Variants in FANCD2 observed in about 807,000 individuals in gnomAD.
FANCD2 encodes the protein FA complementation group D2, also known as Fanconi anemia group D2 protein.
In FANCD2, 131 loss-of-function variants were observed where a neutral mutation model predicts 192.3. The ratio of observed to expected loss-of-function variants is 0.68; its 90% confidence interval spans 0.59 to 0.79. The LOEUF is 0.79. Ranked by LOEUF, FANCD2 falls within the 30% of genes least tolerant of loss-of-function variation. The pLI is 0.00. For synonymous variants in FANCD2, 524 were observed against 612.5 expected (o/e 0.86, Z 2.13); for missense variants, 1,508 against 1,701.6 (o/e 0.89, Z 2.00).
At chr3:10,026,892 C>T (rs955165959) in intron 1 of FANCD2, among the ~76,000 whole-genome samples, 1 of 152,114 alleles carries the variant, frequency 6.6e-6, no homozygotes, top group African/African-American at 2.4e-5. Context: ...GGGCCCGGTA[C>T]CTCGTAAATG....
At chr3:10,034,659 A>T in intron 4 of FANCD2, 36 bp from the exon 5 acceptor site, 1 of 1,524,228 alleles carries the variant, frequency 6.6e-7, no homozygotes. Flanking sequence ...TTAAACTAAA[A>T]ATTTTATTCT....
rs375506300 is a variant in FANCD2 at position 10,034,514 on chromosome 3, G to A, written c.251G>A (p.Arg84Lys). The A allele has an allele frequency of 4.3e-6, 7 of 1,612,450 alleles. No individual in the cohort carries two copies. Among genetic ancestry groups the A allele is most frequent in the Non-Finnish European group, 5.9e-6 (7 of 1,178,696 alleles). Residue 84 changes from arginine to lysine, a missense_variant, in exon 4 of 44, where the codon AGG (arginine) becomes AAG (lysine). By Grantham distance (26) the Arg-to-Lys change is conservative. This residue lies in a region of FANCD2 where 435 missense variants were observed against 421.9 expected (regional missense o/e 1.03). Coordinates refer to ENST00000675286, the MANE Select transcript of FANCD2 (RefSeq NM_001018115.3). Reference protein sequence around the residue: ...AFQKKLFQTLRRHPSYPKIIE... With the variant: ...AFQKKLFQTLKRHPSYPKIIE... ...CAAAAGAAGCTCTTTCAGACCCTGA[G>A]GAGACACCCTTCCTATCCCAAAGTA...
chr3:10,082,783 T>A (rs1693925267), intron 32 of FANCD2, among the ~76,000 whole-genome samples: 1 of 152,228 alleles, frequency 6.6e-6, no homozygotes. Flanking sequence ...AATCTCATTT[T>A]ATTATAATTA....
chr3:10,081,002 A>G lies in FANCD2; in HGVS notation c.2977-98A>G, dbSNP rs925079344. Reference sequence around the variant, plus strand: ...CAACTCATTTCTCCCATCTGCTCCTACCTGGTGACACAGGTTTGACTTGAC... The same window carrying G: ...CAACTCATTTCTCCCATCTGCTCCTGCCTGGTGACACAGGTTTGACTTGAC... On this transcript the variant is annotated intron_variant, in intron 30 of 43. Transcript: ENST00000675286. 5 of 1,328,404 alleles carry G rather than the reference A, an allele frequency of 3.8e-6. No homozygotes were observed. The African/African-American group carries it at 5.8e-5, about 15-fold the overall frequency. 82.3% of individuals were successfully genotyped at this position (1,328,404 alleles called of 1,614,324 possible). A position where few individuals can be genotyped will look rare whatever the true frequency, so the allele number is the denominator to read the frequency against.
intron 2 of FANCD2, among the ~76,000 whole-genome samples, chr3:10,031,304 C>T (rs993963166): frequency 2.0e-5 from 3 of 152,070 alleles, no homozygotes; most frequent in Admixed American, 6.5e-5. Flanking sequence ...GAGATTGAGA[C>T]CATCTTGGCT....
chr3:10,031,250 T>A (rs548605189), intron 2 of FANCD2, among the ~76,000 whole-genome samples: 9 of 152,256 alleles, frequency 5.9e-5, no homozygotes, highest in East Asian at 1.9e-4. Flanking sequence ...ACGCCTGTAA[T>A]CCCAGCACTT....
chr3:10,038,568 A>G (rs910077734), intron 7 of FANCD2, among the ~76,000 whole-genome samples: 7 of 150,174 alleles, frequency 4.7e-5, no homozygotes, highest in African/African-American at 9.9e-5. Context: ...TCCCTTAGCA[A>G]TATATGCTTG....
intron 19 of FANCD2, 41 bp downstream of exon 19, chr3:10,060,444 T>A: frequency 7.0e-7 from 1 of 1,426,406 alleles, no homozygotes; most frequent in Non-Finnish European, 9.9e-7. Flanking sequence ...TAAGATCAGT[T>A]AATCTTGCTA....
chr3:10,084,227 C>T (rs375948560), intron 32 of FANCD2, among the ~76,000 whole-genome samples: 5 of 151,218 alleles, frequency 3.3e-5, no homozygotes, highest in Non-Finnish European at 4.4e-5. Flanking sequence ...CTCCTGACCC[C>T]GTGATCTACC....
intron 5 of FANCD2, 143 bp downstream of exon 5, chr3:10,034,941 TTC>T: frequency 1.3e-6 from 1 of 764,064 alleles, no homozygotes; most frequent in Non-Finnish European, 2.2e-6. Flanking sequence ...AAGTTTAAAA[TTC>T]CTAAGCTTGT....
At chr3:10,082,180 T>C (rs1024419526) in intron 32 of FANCD2, among the ~76,000 whole-genome samples, 3 of 152,222 alleles carry the variant, frequency 2.0e-5, no homozygotes, top group African/African-American at 7.2e-5. Flanking sequence ...GTACCACCAG[T>C]TGCCTGAACC....
chr3:10,060,204 C>G, intron 18 of FANCD2, 90 bp from the exon 19 acceptor site: 3 of 889,924 alleles, frequency 3.4e-6, no homozygotes, highest in Non-Finnish European at 5.5e-6. Flanking sequence ...CGGTAAACGC[C>G]TTTATAGTCT....
chr3:10,082,791 T>C (rs1693925691), intron 32 of FANCD2, among the ~76,000 whole-genome samples: 2 of 152,214 alleles, frequency 1.3e-5, no homozygotes, highest in South Asian at 4.1e-4. Context: ...TTTATTATAA[T>C]TACTTGTTCA....
intron 9 of FANCD2, chr3:10,040,963 G>A (rs572523258): frequency 3.5e-4 from 58 of 166,600 alleles, no homozygotes; most frequent in African/African-American, 1.3e-3. Flanking sequence ...GGCGGCTGAA[G>A]TGGGTGGGTC....
At chr3:10,034,064 C>T (rs2086668297) in intron 3 of FANCD2, among the ~76,000 whole-genome samples, 1 of 150,058 alleles carries the variant, frequency 6.7e-6, no homozygotes, top group Non-Finnish European at 1.5e-5. Context: ...GTGGCTTATG[C>T]CTGTAATCCC....
Position 10,041,677 on chromosome 3 carries a change from A to G in FANCD2, c.750A>G (p.Ser250=), listed in dbSNP as rs1409711148. 2 of 1,613,836 alleles carry G rather than the reference A, an allele frequency of 1.2e-6. No homozygotes were observed. The highest frequency in any genetic ancestry group is 1.7e-5 in the Admixed American group (1 of 60,000). The stretch of plus-strand genomic sequence containing the variant: ...CTGTCCCAATCCTGGATGTCCTTTC[A>G]AGCCTCCGACTTGACCCAAACTTCC... ...SLTVPILDVL[S]SLRLDPNFLL... is the part of the protein sequence containing the mutation. The change falls in exon 10 of 44, where the codon TCA becomes TCG. Residue 250 remains serine (S), a synonymous_variant. Coordinates refer to ENST00000675286, the MANE Select transcript of FANCD2 (RefSeq NM_001018115.3).
chr3:10,059,522 G>C (rs928505570), intron 18 of FANCD2, among the ~76,000 whole-genome samples: 1 of 151,908 alleles, frequency 6.6e-6, no homozygotes, highest in African/African-American at 2.4e-5. Context: ...TCTCCATTTC[G>C]GGCCAGGCAC....
rs565339697 is a variant in FANCD2 at position 10,043,502 on chromosome 3, A to C, written c.1008A>C (p.Glu336Asp). The change falls in exon 13 of 44, where the codon GAA becomes GAC. Residue 336 changes from glutamate (E) to aspartate (D), a missense_variant. Glu to Asp is a conservative substitution (Grantham distance 45). Transcript: ENST00000675286. ...KGRASSSGNQ[E>D]SSGQSCIILL... ...CTTGTAGTTCCTCAGGAAATCAAGA[A>C]AGCAGCGGTCAGAGCTGTATTATTC... is the stretch of plus-strand genomic sequence containing the variant. 1 of 1,613,736 alleles carries C rather than the reference A, an allele frequency of 6.2e-7. No individual in the cohort carries two copies. Among genetic ancestry groups the C allele is most frequent in the East Asian group, 2.2e-5 (1 of 44,878 alleles).
At chr3:10,045,681 A>C (rs2086985504) in intron 14 of FANCD2, 1 of 147,540 alleles carries the variant, frequency 6.8e-6, no homozygotes, top group Non-Finnish European at 1.5e-5. Context: ...GGCTCACTGC[A>C]ACCTCTGTCA....
Sources: gnomAD v4.1 joint callset for allele counts (sites outside exome capture counted in the v4.1 genomes callset) on GRCh38, gnomAD v4.1.1 for gene constraint, gnomAD v4.1.1 regional missense constraint, MANE v1.5 for transcripts, NCBI Gene and HGNC (gene_info 2026-07-23, HGNC 2026-07-21) for gene names.